Variants in EPM2A observed in about 807,000 individuals in gnomAD.
EPM2A encodes EPM2A glucan phosphatase, laforin.
Under a neutral mutation model 26.5 loss-of-function variants are expected in EPM2A, and 21 were observed. The observed-to-expected ratio is 0.79, with a 90% confidence interval of 0.56 to 1.14. EPM2A has a LOEUF of 1.14. Among genes scored for constraint, EPM2A ranks in the 50% most tolerant of loss-of-function variants. The pLI is 0.00. For synonymous variants in EPM2A, 217 were observed against 177.6 expected, an observed-to-expected ratio of 1.22 and a Z score of -1.76; for missense variants, 458 against 440.8, an observed-to-expected ratio of 1.04 and a Z score of -0.35.
chr6:145,586,907 C>T (rs1781202827), intron 2 of EPM2A, among the ~76,000 whole-genome samples: 1 of 152,170 alleles, frequency 6.6e-6, no homozygotes, highest in Non-Finnish European at 1.5e-5. Flanking sequence ...AACTGATGAT[C>T]AATTCTTATT....
At chr6:145,496,716 T>A (rs1245871380), downstream of EPM2A, among the ~76,000 whole-genome samples, 3 of 149,920 alleles carry the variant, frequency 2.0e-5, no homozygotes, top group Admixed American at 2.0e-4. Flanking sequence ...ATTTTTACTG[T>A]CAGTTCCTGC....
intron 4 of EPM2A, among the ~76,000 whole-genome samples, chr6:145,403,003 T>G (rs1413203878): frequency 6.6e-6 from 1 of 152,194 alleles, no homozygotes; most frequent in African/African-American, 2.4e-5. Flanking sequence ...CTCAAACTTC[T>G]GTAACTTTCC....
intron 1 of EPM2A, among the ~76,000 whole-genome samples, chr6:145,720,583 C>A (rs1356766905): frequency 6.6e-6 from 1 of 151,992 alleles, no homozygotes; most frequent in Non-Finnish European, 1.5e-5. Flanking sequence ...TGTGGGGTTC[C>A]AGATTGTTCC....
At chr6:145,510,172 G>C (rs1224141805) in intron 2 of EPM2A, among the ~76,000 whole-genome samples, 1 of 150,898 alleles carries the variant, frequency 6.6e-6, no homozygotes, top group Admixed American at 6.6e-5. Flanking sequence ...TACAGCATTT[G>C]ACAGCTCATT....
At chr6:145,657,172 C>T (rs1778360732) in intron 2 of EPM2A, among the ~76,000 whole-genome samples, 1 of 150,378 alleles carries the variant, frequency 6.6e-6, no homozygotes, top group Non-Finnish European at 1.5e-5. Context: ...TCACTGCAAC[C>T]TCCGCCTCCT....
At chr6:145,649,518 C>T (rs1048978698) in intron 2 of EPM2A, among the ~76,000 whole-genome samples, 3 of 152,158 alleles carry the variant, frequency 2.0e-5, no homozygotes, top group Non-Finnish European at 4.4e-5. Context: ...TTGTGTAACA[C>T]GTCAAAAATA....
chr6:145,426,083 A>T (rs916476719), intron 4 of EPM2A, among the ~76,000 whole-genome samples: 2 of 152,228 alleles, frequency 1.3e-5, no homozygotes, highest in African/African-American at 4.8e-5. Flanking sequence ...GCTATAAGTT[A>T]TTTCCAAGCA....
intron 2 of EPM2A, 31 bp from the exon 3 acceptor site, chr6:145,635,517 T>C: frequency 1.9e-6 from 3 of 1,611,414 alleles, no homozygotes; most frequent in Non-Finnish European, 2.5e-6. Flanking sequence ...CAACTATCAC[T>C]AGTGTTGTTC....
rs990901111 is a variant in EPM2A at position 145,411,328 on chromosome 6, T to C, written c.556-27231A>G. Among the ~76,000 whole-genome samples the C allele has an allele frequency of 2.6e-5, 4 of 152,178 alleles. No homozygotes were observed. In the South Asian group the frequency reaches 8.3e-4, roughly 31 times the overall value. Reference sequence around the variant, plus strand: ...ACATAAAAGGTGCAAATATGACATTTTCCTTGATACTGCTCCTGGCATAAT... The same window carrying C: ...ACATAAAAGGTGCAAATATGACATTCTCCTTGATACTGCTCCTGGCATAAT... On this transcript the variant is annotated intron_variant, in intron 4 of 4. Transcript: ENST00000638717.
chr6:145,541,659 G>T (rs1279549855), intron 2 of EPM2A, among the ~76,000 whole-genome samples: 2 of 152,074 alleles, frequency 1.3e-5, no homozygotes, highest in Non-Finnish European at 2.9e-5. Flanking sequence ...ATACTAAAGA[G>T]ATGTTTTTAA....
chr6:145,439,457 A>C (rs1158513500), intron 4 of EPM2A, among the ~76,000 whole-genome samples: 1 of 152,176 alleles, frequency 6.6e-6, no homozygotes, highest in Non-Finnish European at 1.5e-5. Context: ...TTTTCTCTGC[A>C]ATCTCACCAG....
chr6:145,496,728 A>ATGTTTTTTTTTT (rs779194973), downstream of EPM2A, among the ~76,000 whole-genome samples: 30 of 106,908 alleles, frequency 2.8e-4, 7 homozygotes, highest in South Asian at 7.3e-4. Flanking sequence ...AGTTCCTGCA[A>ATGTTTTTTTTTT]TTTTTTTTTT....
intron 2 of EPM2A, among the ~76,000 whole-genome samples, chr6:145,651,198 G>C (rs1777855619): frequency 6.6e-6 from 1 of 152,182 alleles, no homozygotes; most frequent in South Asian, 2.1e-4. Context: ...TTAGCCAAAT[G>C]TGAATTAGAG....
At chr6:145,571,289 C>T (rs1396936158) in intron 2 of EPM2A, among the ~76,000 whole-genome samples, 5 of 152,192 alleles carry the variant, frequency 3.3e-5, no homozygotes, top group African/African-American at 1.2e-4. Flanking sequence ...TTAATTATGA[C>T]TTCAAAAGGC....
intron 2 of EPM2A, among the ~76,000 whole-genome samples, chr6:145,525,582 T>A (rs1780259745): frequency 6.6e-6 from 1 of 152,098 alleles, no homozygotes; most frequent in African/African-American, 2.4e-5. Context: ...GCATTGTTGA[T>A]TTGGCTCTCA....
intron 2 of EPM2A, among the ~76,000 whole-genome samples, chr6:145,653,983 A>C (rs569982130): frequency 6.6e-6 from 1 of 152,230 alleles, no homozygotes; most frequent in South Asian, 2.1e-4. Context: ...GATCTTGTCT[A>C]GATTTATTTA....
At chr6:145,619,060 G>C (rs983664016) in intron 2 of EPM2A, among the ~76,000 whole-genome samples, 1 of 152,108 alleles carries the variant, frequency 6.6e-6, no homozygotes, top group Non-Finnish European at 1.5e-5. Flanking sequence ...GTGGTAAATG[G>C]AGGAGAGATG....
intron 1 of EPM2A, among the ~76,000 whole-genome samples, chr6:145,723,731 G>T (rs1028704947): frequency 2.6e-5 from 4 of 151,984 alleles, no homozygotes; most frequent in Non-Finnish European, 5.9e-5. Flanking sequence ...CTGACTTCAG[G>T]GCATTTCCAA....
At chr6:145,395,502 G>A (rs1026626919) in intron 4 of EPM2A, among the ~76,000 whole-genome samples, 1 of 152,024 alleles carries the variant, frequency 6.6e-6, no homozygotes, top group South Asian at 2.1e-4. Flanking sequence ...CCTCATTAAA[G>A]CTTTAAATCT....
Sources: allele counts gnomAD v4.1 joint callset (sites outside exome capture counted in the v4.1 genomes callset), GRCh38; gene constraint gnomAD v4.1.1; transcripts MANE v1.5; gene names NCBI Gene and HGNC (gene_info 2026-07-23, HGNC 2026-07-21).